CD4: variants seen among roughly 807,000 people sequenced by gnomAD.
The protein encoded by CD4 is T-cell surface glycoprotein CD4.
In CD4, 25 loss-of-function variants were observed where a neutral mutation model predicts 50.5. The observed-to-expected ratio is 0.49, with a 90% CI of 0.36 to 0.69. The LOEUF (loss-of-function observed/expected upper bound fraction) is 0.69, where lower values mean the gene tolerates loss of function less well. CD4 is among the 30% of genes least tolerant of loss of function. The pLI, the probability that CD4 is intolerant of heterozygous loss-of-function variation, is 0.00. For synonymous variants in CD4, 207 were observed against 221.9 expected, an observed-to-expected ratio of 0.93 and a Z score of 0.60; for missense variants, 456 against 548.5, an observed-to-expected ratio of 0.83 and a Z score of 1.68.
At chr12:6,811,473 CTTTTTTCTTTT>C (rs1565497675) in intron 3 of CD4, among the ~76,000 whole-genome samples, 2 of 141,758 alleles carry the variant, frequency 1.4e-5, no homozygotes, top group African/African-American at 5.4e-5. Context: ...TTTTTCTTTT[CTTTTTTCTTTT>C]CTTTTTCTTT....
In CD4 at chr12:6,807,940, C is replaced by T. The variant is rs188164984; in HGVS notation, c.215-6202C>T. 5.1e-3 allele frequency among the ~76,000 whole-genome samples: 775 copies of T among 151,768 alleles called. 7 individuals are homozygous for T. Among genetic ancestry groups the T allele is most frequent in the African/African-American group, 0.018 (736 of 41,384 alleles). On this transcript the variant is annotated intron_variant, in intron 3 of 9. Transcript: ENST00000011653. ...ACTAAAAATACAAAAATTAGCTGGG[C>T]GTGGTGGCAAGTGCCTGTAGTCCCA...
rs140406047 is a variant in CD4 at position 6,814,983 on chromosome 12, G to C, written c.598G>C (p.Val200Leu). The change falls in exon 5 of 10, where the codon GTG (valine) becomes CTG (leucine). Residue 200 changes from valine to leucine, a missense_variant. Coordinates refer to ENST00000011653, the MANE Select transcript of CD4 (RefSeq NM_000616.5). ...QKKVEFKIDI[V>L]VLAFQKASSI... The stretch of plus-strand genomic sequence containing the variant: ...GAAGGTGGAGTTCAAAATAGACATC[G>C]TGGTGCTAGGTAAGGGAAGCCCCTC... 2 of 1,609,998 alleles carry C rather than the reference G, an allele frequency of 1.2e-6. No individual in the cohort carries two copies. The highest frequency in any genetic ancestry group is 1.7e-6 in the Non-Finnish European group (2 of 1,176,834).
At position 6,818,707 on chromosome 12, in the gene CD4, C is replaced by G. The variant is rs1943180350; in HGVS notation, c.1279-140C>G. ...CACTCAAGGGAGAGACAGGAAGGAG[C>G]AGAGAGTTAATTCCAGGATAGATGG... On this transcript the variant is annotated intron_variant, in intron 8 of 9. Coordinates refer to ENST00000011653, the MANE Select transcript of CD4 (RefSeq NM_000616.5). This position sits in a 1 kb window ranked among gnomAD's most constrained non-coding sequence, Gnocchi z 5.0. 1.7e-6 allele frequency: 2 copies of G among 1,185,768 alleles called. No individual in the cohort carries two copies. The highest frequency in any genetic ancestry group is 2.4e-5 in the East Asian group (1 of 42,420). The allele number at this position is 1,185,768 out of a possible 1,614,324, so 73.5% of individuals were successfully genotyped here. A position where few individuals can be genotyped will look rare whatever the true frequency, so the allele number is the denominator to read the frequency against.
intron 3 of CD4, 54 bp from the exon 4 acceptor site, chr12:6,814,088 G>T: frequency 6.6e-7 from 1 of 1,510,594 alleles, no homozygotes; most frequent in South Asian, 1.2e-5. Context: ...TCTTGCCAGA[G>T]GTGCCCTGTC....
Position 6,816,174 on chromosome 12 carries a change from G to A in CD4, c.726G>A (p.Ala242=), listed in dbSNP as rs200791809. ...GCAGTGGCGAGCTGTGGTGGCAGGC[G>A]GAGAGGGCTTCCTCCTCCAAGTCTT... ...LTGSGELWWQ[A]ERASSSKSWI... Residue 242 remains alanine (A), a synonymous_variant, in exon 6 of 10, where the codon GCG becomes GCA. Transcript: ENST00000011653. This position sits in a 1 kb window ranked among gnomAD's most constrained non-coding sequence, Gnocchi z 4.9. The A allele has an allele frequency of 1.2e-5, 19 of 1,614,028 alleles. No homozygotes were observed. The highest frequency in any genetic ancestry group is 9.3e-6 in the Non-Finnish European group (11 of 1,180,022).
chr12:6,808,450 CAAAAAAAAAA>C (rs3032789), intron 3 of CD4, among the ~76,000 whole-genome samples: 39 of 37,806 alleles, frequency 1.0e-3, no homozygotes, highest in East Asian at 1.9e-3. Context: ...GATTCTGTCT[CAAAAAAAAAA>C]AAAAAAAAAA....
chr12:6,810,053 C>T (rs1399606764), intron 3 of CD4, among the ~76,000 whole-genome samples: 2 of 152,058 alleles, frequency 1.3e-5, no homozygotes, highest in Non-Finnish European at 2.9e-5. Flanking sequence ...CCATTCCTGG[C>T]TAATTTTTGT....
intron 1 of CD4, among the ~76,000 whole-genome samples, chr12:6,796,287 G>A (rs1248477180): frequency 2.6e-5 from 4 of 152,214 alleles, no homozygotes; most frequent in Non-Finnish European, 4.4e-5. Context: ...CCAGGAGCAT[G>A]TCAACGGGGT....
chr12:6,809,959 G>A (rs1462684311), intron 3 of CD4, among the ~76,000 whole-genome samples: 1 of 143,516 alleles, frequency 7.0e-6, no homozygotes, highest in African/African-American at 2.6e-5. Flanking sequence ...GCGCGATCTC[G>A]GCTCACTGCA....
Position 6,818,665 on chromosome 12 carries a change from T to G in CD4, c.1278+123T>G. ...TCTGCCCACTCGTAAGTTCCCTTGC[T>G]GCCCTGTCCCAGATCCCACTCAAGG... On this transcript the variant is annotated intron_variant, in intron 8 of 9. Coordinates refer to ENST00000011653, the MANE Select transcript of CD4 (RefSeq NM_000616.5). The surrounding 1 kb of genome is among the most constrained non-coding windows in gnomAD (Gnocchi z 5.0). The G allele has an allele frequency of 7.6e-7, 1 of 1,312,556 alleles. No individual in the cohort carries two copies. The highest frequency in any genetic ancestry group is 1.1e-6 in the Non-Finnish European group (1 of 924,728). The allele number at this position is 1,312,556 out of a possible 1,614,324, so 81.3% of individuals were successfully genotyped here.
At chr12:6,814,028 C>A in intron 3 of CD4, 114 bp from the exon 4 acceptor site, 1 of 870,052 alleles carries the variant, frequency 1.1e-6, no homozygotes, top group Non-Finnish European at 1.8e-6. Context: ...GAACGAGGAG[C>A]AGATGTTGCA....
chr12:6,819,042 G>C (rs1943198623), intron 9 of CD4, 128 bp downstream of exon 9: 1 of 708,310 alleles, frequency 1.4e-6, no homozygotes, highest in South Asian at 1.7e-5. Flanking sequence ...AGTTGAGGAG[G>C]AAGAGCTGGG....
intron 3 of CD4, among the ~76,000 whole-genome samples, chr12:6,805,166 G>C (rs10744714): frequency 0.9 from 119,549 of 132,872 alleles, 54,314 homozygotes; most frequent in Non-Finnish European, 0.97. Context: ...GCCTCGGTAG[G>C]AGAGCAAGAC....
At chr12:6,789,703 G>C (rs577010634) in intron 1 of CD4, 41 bp downstream of exon 1, 2 of 152,266 alleles carry the variant, frequency 1.3e-5, no homozygotes, top group Non-Finnish European at 2.9e-5. Context: ...GGAGCTGAGA[G>C]GGAGGGGAAC....
At chr12:6,806,191 G>A (rs10774449) in intron 3 of CD4, among the ~76,000 whole-genome samples, 102,502 of 133,330 alleles carry the variant, frequency 0.77, 35,878 homozygotes, top group South Asian at 0.83. Context: ...ACATACACAA[G>A]TATATACACA....
intron 7 of CD4, among the ~76,000 whole-genome samples, chr12:6,817,542 A>G (rs1384097985): frequency 6.6e-6 from 1 of 152,094 alleles, no homozygotes; most frequent in Non-Finnish European, 1.5e-5. Flanking sequence ...CTAGGCTGCC[A>G]GTTGTAATTC....
At chr12:6,812,602 C>T (rs1942968434) in intron 3 of CD4, among the ~76,000 whole-genome samples, 1 of 152,018 alleles carries the variant, frequency 6.6e-6, no homozygotes, top group Non-Finnish European at 1.5e-5. Context: ...TTGCTTGAAC[C>T]CGGGAGGCGG....
chr12:6,801,260 G>A (rs1328427515), intron 3 of CD4, among the ~76,000 whole-genome samples: 2 of 150,684 alleles, frequency 1.3e-5, no homozygotes, highest in Non-Finnish European at 3.0e-5. Flanking sequence ...GCTCACACCT[G>A]TAATCCAGAA....
At position 6,789,673 on chromosome 12, in the gene CD4, C is replaced by G. The variant is rs1942090419; in HGVS notation, c.-68+11C>G. 1 of 152,276 alleles carries G rather than the reference C, an allele frequency of 6.6e-6. No homozygotes were observed. The highest frequency in any genetic ancestry group is 2.4e-5 in the African/African-American group (1 of 41,472). 9.4% of individuals were successfully genotyped at this position (152,276 alleles called of 1,614,324 possible). On this transcript the variant is annotated intron_variant, in intron 1 of 9. Coordinates refer to ENST00000011653, the MANE Select transcript of CD4 (RefSeq NM_000616.5). ...GACGCAAGCCCAGAGGTAAGGTGGT[C>G]AGACTCGGCTTCCTTCCCCGGAGCT...
Sources: allele counts gnomAD v4.1 joint callset (sites outside exome capture counted in the v4.1 genomes callset), GRCh38; gene constraint gnomAD v4.1.1; non-coding constraint Gnocchi (gnomAD v3.1); transcripts MANE v1.5; gene names NCBI Gene and HGNC (gene_info 2026-07-23, HGNC 2026-07-21).